PNPT1: variants seen among roughly 807,000 people sequenced by gnomAD.
PNPT1 encodes polyribonucleotide nucleotidyltransferase 1.
A neutral mutation model predicts 119.5 loss-of-function variants in PNPT1; 53 were observed. That is an observed-to-expected ratio of 0.44 (90% confidence interval 0.36 to 0.56). The LOEUF is 0.56. Ranked by LOEUF, PNPT1 falls within the 20% of genes least tolerant of loss-of-function variation. The pLI, the probability that PNPT1 is intolerant of heterozygous loss-of-function variation, is 0.00. For missense variants in PNPT1, 948 were observed against 938.5 expected, an observed-to-expected ratio of 1.01 and a Z score of -0.13; for synonymous variants, 357 against 322.1, an observed-to-expected ratio of 1.11 and a Z score of -1.16.
chr2:55,641,283 ATTTT>A (rs10713596), intron 25 of PNPT1, among the ~76,000 whole-genome samples: 14 of 100,088 alleles, frequency 1.4e-4, no homozygotes, highest in Non-Finnish European at 1.2e-4. Flanking sequence ...TTCCAAAAAC[ATTTT>A]TTTTTTTTTT....
In PNPT1 at chr2:55,640,709, CA is replaced by C; in HGVS notation, c.2070-5del. On this transcript the variant is annotated splice_region_variant and splice_polypyrimidine_tract_variant and intron_variant, in intron 25 of 27. Transcript: ENST00000447944. ...TTTTACCATTACACCAGTATCTCTACAAAAAAATAAATAGTAAGCCTGGTTA... is the reference window on the plus strand; with the variant it reads ...TTTTACCATTACACCAGTATCTCTACAAAAAATAAATAGTAAGCCTGGTTA... 1.3e-6 allele frequency: 2 copies of C among 1,532,804 alleles called. No homozygotes were observed. The highest frequency in any genetic ancestry group is 1.1e-5 in the South Asian group (1 of 88,816). 95.0% of individuals were successfully genotyped at this position (1,532,804 alleles called of 1,614,324 possible).
intron 15 of PNPT1, among the ~76,000 whole-genome samples, chr2:55,659,538 TAAAACG>T: frequency 6.6e-6 from 1 of 151,804 alleles, no homozygotes; most frequent in East Asian, 1.9e-4. Flanking sequence ...TTTTTTAACC[TAAAACG>T]ATATTGTCTG....
chr2:55,666,905 C>T, intron 13 of PNPT1, 86 bp downstream of exon 13: 4 of 827,572 alleles, frequency 4.8e-6, no homozygotes, highest in South Asian at 3.9e-5. Context: ...TATGACAAAA[C>T]CTACAGCATC....
chr2:55,640,541 T>A (rs1695804608), intron 26 of PNPT1, 86 bp downstream of exon 26: 9 of 1,140,114 alleles, frequency 7.9e-6, no homozygotes, highest in Non-Finnish European at 1.2e-5. Context: ...GTAGGCAAAG[T>A]GTATAATTCT....
rs367694300 is a variant in PNPT1, at chr2:55,640,646, G to A, written c.2129C>T (p.Thr710Ile). 5 of 1,591,256 alleles carry A rather than the reference G, an allele frequency of 3.1e-6. No homozygotes were observed. Among genetic ancestry groups the A allele is most frequent in the Non-Finnish European group, 4.3e-6 (5 of 1,160,462 alleles). Residue 710 changes from threonine (T) to isoleucine (I), a missense_variant, in exon 26 of 28, where the codon ACA becomes ATA. Coordinates refer to ENST00000447944, the MANE Select transcript of PNPT1 (RefSeq NM_033109.5). ...PNMTAVLLHN[T>I]QLDQRKIKHP... ...TTTTACCTTTCGTTGATCAAGTTGT[G>A]TGTTATGAAGCAGTACCGCAGTCAT...
intron 1 of PNPT1, among the ~76,000 whole-genome samples, chr2:55,688,241 T>C (rs547703293): frequency 2.1e-4 from 32 of 152,142 alleles, no homozygotes; most frequent in African/African-American, 7.7e-4. Flanking sequence ...GTTCTTACTA[T>C]ATTGTTTAGG....
intron 4 of PNPT1, among the ~76,000 whole-genome samples, chr2:55,684,554 T>C (rs561567526): frequency 6.6e-6 from 1 of 152,232 alleles, no homozygotes; most frequent in Admixed American, 6.5e-5. Flanking sequence ...ATTATGGACA[T>C]ATTTCAGTAG....
rs1199063632 is a variant in PNPT1 at position 55,668,039 on chromosome 2, CAACT to C, written c.977-85_977-82del. 12 of 1,199,526 alleles carry C rather than the reference CAACT, an allele frequency of 1.0e-5. No individual in the cohort carries two copies. The African/African-American group carries it at 1.7e-4, about 17-fold the overall frequency. The allele number at this position is 1,199,526 out of a possible 1,614,324, so 74.3% of individuals were successfully genotyped here. ...TTCTCTAAAGTTCATAGCATAATAT[CAACT>C]AACTACGGGAATCAACCAAGGGAGA... On this transcript the variant is annotated intron_variant, in intron 11 of 27. Transcript: ENST00000447944.
intron 13 of PNPT1, among the ~76,000 whole-genome samples, chr2:55,662,769 T>A (rs1213288481): frequency 6.6e-6 from 1 of 151,898 alleles, no homozygotes; most frequent in Non-Finnish European, 1.5e-5. Context: ...ATTCACAACA[T>A]CCAGAAAACA....
At chr2:55,651,904 A>AAAC (rs1491122260) in intron 18 of PNPT1, among the ~76,000 whole-genome samples, 1 of 141,250 alleles carries the variant, frequency 7.1e-6, no homozygotes, top group Non-Finnish European at 1.6e-5. Context: ...AAAAAAAAAA[A>AAAC]CAATAACCTT....
At chr2:55,644,232 T>C (rs1009403476) in intron 23 of PNPT1, among the ~76,000 whole-genome samples, 6 of 152,168 alleles carry the variant, frequency 3.9e-5, no homozygotes, top group African/African-American at 1.4e-4. Context: ...AATTCAAACA[T>C]TGCTTCAGGA....
chr2:55,693,500 G>A (rs1352342705), intron 1 of PNPT1, among the ~76,000 whole-genome samples, 163 bp downstream of exon 1: 1 of 152,192 alleles, frequency 6.6e-6, no homozygotes, highest in Admixed American at 6.5e-5. Flanking sequence ...GGTCCGAGGA[G>A]ACACATTCCA....
At chr2:55,644,853 A>ATTTTTTT (rs1695936484) in intron 22 of PNPT1, 133 bp from the exon 23 acceptor site, 1 of 495,104 alleles carries the variant, frequency 2.0e-6, no homozygotes, top group South Asian at 4.5e-5. Context: ...AAAACAGAAA[A>ATTTTTTT]GTAGATGATT....
intron 5 of PNPT1, among the ~76,000 whole-genome samples, chr2:55,683,010 G>C (rs1472997504): frequency 2.0e-5 from 3 of 152,174 alleles, no homozygotes; most frequent in Non-Finnish European, 4.4e-5. Context: ...GAATGAAATG[G>C]TTACTTAAGT....
intron 8 of PNPT1, among the ~76,000 whole-genome samples, chr2:55,673,830 G>T (rs1419467949): frequency 6.6e-6 from 1 of 152,110 alleles, no homozygotes; most frequent in Non-Finnish European, 1.5e-5. Flanking sequence ...TAGGTGATCT[G>T]CCTGCCTTGG....
At chr2:55,685,841 C>G (rs1316927003) in intron 3 of PNPT1, among the ~76,000 whole-genome samples, 2 of 152,146 alleles carry the variant, frequency 1.3e-5, no homozygotes, top group Non-Finnish European at 1.5e-5. Flanking sequence ...TACGTATATC[C>G]TCTCATATAC....
chr2:55,663,407 C>T (rs1385850427), intron 13 of PNPT1, among the ~76,000 whole-genome samples: 1 of 152,026 alleles, frequency 6.6e-6, no homozygotes, highest in African/African-American at 2.4e-5. Flanking sequence ...AACATATGTG[C>T]AGTTGCAATT....
intron 13 of PNPT1, among the ~76,000 whole-genome samples, chr2:55,664,100 G>A (rs928964538): frequency 5.3e-5 from 8 of 152,156 alleles, no homozygotes; most frequent in African/African-American, 1.7e-4. Context: ...ACCAGAAATG[G>A]TAAATATGTG....
Position 55,686,416 on chromosome 2 carries a change from G to T in PNPT1, c.251C>A (p.Ala84Glu). 1 of 1,613,808 alleles carries T rather than the reference G, an allele frequency of 6.2e-7. No homozygotes were observed. Among genetic ancestry groups the T allele is most frequent in the Non-Finnish European group, 8.5e-7 (1 of 1,179,822 alleles). The change falls in exon 3 of 28, where the codon GCG becomes GAG. Residue 84 changes from alanine (A) to glutamate (E), a missense_variant. By Grantham distance (107) the Ala-to-Glu change is moderately radical (BLOSUM62 -1). Coordinates refer to ENST00000447944, the MANE Select transcript of PNPT1 (RefSeq NM_033109.5). The stretch of plus-strand genomic sequence containing the variant: ...AGGGGAAGGTTTTGTTTTACTGACC[G>T]CTGTGACCATTACTGCAGTGTCACC... ...QSGDTAVMVT[A>E]VSKTKPSPSQ...
Sources: allele counts gnomAD v4.1 joint callset (sites outside exome capture counted in the v4.1 genomes callset), GRCh38; gene constraint gnomAD v4.1.1; transcripts MANE v1.5; gene names NCBI Gene and HGNC (gene_info 2026-07-23, HGNC 2026-07-21).